Variants in SUSD6 observed in about 807,000 individuals in gnomAD.
SUSD6 encodes the protein sushi domain-containing protein 6.
A neutral mutation model predicts 28.4 loss-of-function variants in SUSD6; 16 were observed. That is an observed-to-expected ratio of 0.56 (90% CI 0.38 to 0.86). The LOEUF is 0.86. Ranked by LOEUF, SUSD6 falls within the 40% of genes least tolerant of loss-of-function variation. SUSD6 has a pLI of 0.00. For missense variants in SUSD6, 341 were observed against 384.2 expected, an observed-to-expected ratio of 0.89 and a Z score of 0.94; for synonymous variants, 147 against 159.6, an observed-to-expected ratio of 0.92 and a Z score of 0.59.
intron 1 of SUSD6, among the ~76,000 whole-genome samples, chr14:69,656,360 G>T (rs904611021): frequency 1.3e-5 from 2 of 152,166 alleles, no homozygotes; most frequent in African/African-American, 4.8e-5. Flanking sequence ...ACATGCAGGT[G>T]TCATTCTTGA....
At position 69,657,286 on chromosome 14, in the gene SUSD6, C is replaced by A. The variant is rs897561951; in HGVS notation, c.-80-1227C>A. On this transcript the variant is annotated intron_variant, in intron 1 of 5. Coordinates refer to ENST00000342745, the MANE Select transcript of SUSD6 (RefSeq NM_014734.4). ...CCTGGCCAACATGGTGAAACCCCAT[C>A]TCTACTAAAAATACAAAAATTAGCT... Among the ~76,000 whole-genome samples the A allele has an allele frequency of 9.2e-5, 14 of 152,168 alleles. 1 individual carries two copies. Among genetic ancestry groups the A allele is most frequent in the African/African-American group, 3.4e-4 (14 of 41,444 alleles).
chr14:69,691,778 G>A (rs1013363683), intron 2 of SUSD6, among the ~76,000 whole-genome samples: 6 of 152,090 alleles, frequency 3.9e-5, no homozygotes, highest in African/African-American at 1.2e-4. Flanking sequence ...GGTGGCTCAC[G>A]CCTGTAATCC....
At chr14:69,630,501 T>A (rs1452890688) in intron 1 of SUSD6, among the ~76,000 whole-genome samples, 1 of 152,162 alleles carries the variant, frequency 6.6e-6, no homozygotes, top group East Asian at 1.9e-4. Context: ...ACAGATAATT[T>A]AAGCCAAGGA....
chr14:69,698,032 T>G (rs1886252002), intron 2 of SUSD6, among the ~76,000 whole-genome samples: 1 of 152,118 alleles, frequency 6.6e-6, no homozygotes, highest in Non-Finnish European at 1.5e-5. Context: ...GCAAGTTGAT[T>G]AGGAAAGTAA....
intron 2 of SUSD6, among the ~76,000 whole-genome samples, chr14:69,684,902 C>G (rs1265475627): frequency 6.6e-6 from 1 of 152,224 alleles, no homozygotes; most frequent in East Asian, 1.9e-4. Flanking sequence ...TCCCACTTTT[C>G]TTGAAAGCCT....
In SUSD6 at chr14:69,617,100, T is replaced by C. The variant is rs573632253; in HGVS notation, c.-81+5272T>C. 4 of 152,250 alleles carry C rather than the reference T, an allele frequency of 2.6e-5. No individual in the cohort carries two copies. In the South Asian group the frequency reaches 8.3e-4, roughly 31 times the overall value. 9.4% of individuals were successfully genotyped at this position (152,250 alleles called of 1,614,324 possible). A position where few individuals can be genotyped will look rare whatever the true frequency, so the allele number is the denominator to read the frequency against. Reference sequence around the variant, plus strand: ...AATGTTTTTGAGGCTTATTCATGTTTTACCATGTATCAGTACTTCATTCCA... The same window carrying C: ...AATGTTTTTGAGGCTTATTCATGTTCTACCATGTATCAGTACTTCATTCCA... On this transcript the variant is annotated intron_variant, in intron 1 of 5. Transcript: ENST00000342745.
At chr14:69,641,759 TAA>T (rs145436615) in intron 1 of SUSD6, among the ~76,000 whole-genome samples, 3 of 146,934 alleles carry the variant, frequency 2.0e-5, no homozygotes, top group Admixed American at 6.7e-5. Context: ...CCAGATAATT[TAA>T]AAAAAATTTT....
chr14:69,633,156 T>C (rs1885219080), intron 1 of SUSD6, among the ~76,000 whole-genome samples: 1 of 152,250 alleles, frequency 6.6e-6, no homozygotes, highest in South Asian at 2.1e-4. Flanking sequence ...TAGGTCAGGT[T>C]TCCTGCTCAA....
chr14:69,691,250 T>C (rs1886148941), intron 2 of SUSD6, among the ~76,000 whole-genome samples: 1 of 151,874 alleles, frequency 6.6e-6, no homozygotes, highest in South Asian at 2.1e-4. Flanking sequence ...GGCTGAGGCA[T>C]GAGAATTGCT....
intron 2 of SUSD6, among the ~76,000 whole-genome samples, chr14:69,678,773 A>T (rs1328546719): frequency 6.6e-6 from 1 of 152,206 alleles, no homozygotes; most frequent in East Asian, 1.9e-4. Flanking sequence ...ACTGCACTCC[A>T]GCCTGGGCAA....
rs973979399 is a variant in SUSD6 at position 69,711,264 on chromosome 14, T to C, written c.*285T>C. The C allele has an allele frequency of 1.7e-5, 8 of 480,880 alleles. No homozygotes were observed. The highest frequency in any genetic ancestry group is 7.8e-5 in the African/African-American group (4 of 51,074). 29.8% of individuals were successfully genotyped at this position (480,880 alleles called of 1,614,324 possible). A position where few individuals can be genotyped will look rare whatever the true frequency, so the allele number is the denominator to read the frequency against. On this transcript the variant is annotated 3_prime_UTR_variant, in exon 6 of 6. Transcript: ENST00000342745. ...ATGTGCTGGATCAAACCCTCCCTTT[T>C]CCTAAGCCTCTGGGTCCCCTCCAGC...
At chr14:69,660,133 G>A (rs1885641129) in intron 2 of SUSD6, among the ~76,000 whole-genome samples, 1 of 152,154 alleles carries the variant, frequency 6.6e-6, no homozygotes, top group Non-Finnish European at 1.5e-5. Flanking sequence ...GGGACAGTAG[G>A]GGAGTGGTAT....
chr14:69,638,882 G>A (rs755375848), intron 1 of SUSD6, among the ~76,000 whole-genome samples: 4 of 152,118 alleles, frequency 2.6e-5, no homozygotes, highest in East Asian at 3.9e-4. Context: ...CCTTTTAGGC[G>A]GGCCCCTCTT....
At chr14:69,628,806 C>T (rs1406522580) in intron 1 of SUSD6, among the ~76,000 whole-genome samples, 3 of 150,940 alleles carry the variant, frequency 2.0e-5, no homozygotes, top group Admixed American at 6.6e-5. Context: ...CTGCAGCCTC[C>T]GCCTCCCCAC....
At chr14:69,631,290 C>G (rs1393284933) in intron 1 of SUSD6, among the ~76,000 whole-genome samples, 1 of 152,212 alleles carries the variant, frequency 6.6e-6, no homozygotes, top group Non-Finnish European at 1.5e-5. Flanking sequence ...CTTCCCATCT[C>G]TTTTTATAAT....
At chr14:69,658,062 G>A (rs1459374418) in intron 1 of SUSD6, among the ~76,000 whole-genome samples, 2 of 152,258 alleles carry the variant, frequency 1.3e-5, no homozygotes, top group African/African-American at 2.4e-5. Flanking sequence ...TCCCACTGCT[G>A]CATTCCTTCT....
chr14:69,703,609 A>T lies in SUSD6; in HGVS notation c.319+17A>T, dbSNP rs776466608. On this transcript the variant is annotated intron_variant, in intron 3 of 5. Coordinates refer to ENST00000342745, the MANE Select transcript of SUSD6 (RefSeq NM_014734.4). ...TCAACGAGGGTCAGTCTGGCAGATG[A>T]AAAAGGGATGCTGCTGGGGTTCTGC... 2 of 1,609,644 alleles carry T rather than the reference A, an allele frequency of 1.2e-6. No individual in the cohort carries two copies. The highest frequency in any genetic ancestry group is 1.7e-6 in the Non-Finnish European group (2 of 1,176,198).
chr14:69,692,794 T>C (rs981860297), intron 2 of SUSD6, among the ~76,000 whole-genome samples: 15 of 152,264 alleles, frequency 9.9e-5, no homozygotes, highest in South Asian at 8.3e-4. Context: ...TAAGCCAGAC[T>C]CCTAAGTCAG....
intron 1 of SUSD6, among the ~76,000 whole-genome samples, chr14:69,652,581 G>A (rs141874474): frequency 2.0e-4 from 31 of 152,146 alleles, no homozygotes; most frequent in African/African-American, 7.5e-4. Context: ...AGAAGTGTTT[G>A]ATAGTGTTTG....
Sources: gnomAD v4.1 joint callset for allele counts (sites outside exome capture counted in the v4.1 genomes callset) on GRCh38, gnomAD v4.1.1 for gene constraint, MANE v1.5 for transcripts, NCBI Gene and HGNC (gene_info 2026-07-23, HGNC 2026-07-21) for gene names.